Variants in STPG2 observed in about 807,000 individuals in gnomAD.
The protein encoded by STPG2 is sperm-tail PG-rich repeat-containing protein 2.
A neutral mutation model predicts 54.2 loss-of-function variants in STPG2; 56 were observed. The ratio of observed to expected loss-of-function variants is 1.03; its 90% CI spans 0.83 to 1.29. STPG2 has a LOEUF of 1.29. STPG2 is among the 50% of genes most tolerant of loss of function. The pLI, the probability that STPG2 is intolerant of heterozygous loss-of-function variation, is 0.00. For synonymous variants in STPG2, 200 were observed against 181.8 expected, an observed-to-expected ratio of 1.10 and a Z score of -0.81; for missense variants, 596 against 544.9, an observed-to-expected ratio of 1.09 and a Z score of -0.93.
At chr4:97,841,134 A>T (rs907481008) in intron 8 of STPG2, among the ~76,000 whole-genome samples, 5 of 151,790 alleles carry the variant, frequency 3.3e-5, no homozygotes, top group Non-Finnish European at 7.4e-5. Flanking sequence ...CCAAAATTAA[A>T]GTAAAATAAA....
At chr4:97,988,894 G>A (rs1734910492) in intron 5 of STPG2, among the ~76,000 whole-genome samples, 1 of 152,158 alleles carries the variant, frequency 6.6e-6, no homozygotes, top group Non-Finnish European at 1.5e-5. Context: ...GATTACAGGC[G>A]TGAGCCACTG....
At chr4:97,825,032 G>T (rs1728209552) in intron 9 of STPG2, among the ~76,000 whole-genome samples, 1 of 149,664 alleles carries the variant, frequency 6.7e-6, no homozygotes, top group African/African-American at 2.4e-5. Context: ...AAATTTAAAA[G>T]TTTTTTTTTT....
chr4:97,681,584 CCTT>C (rs1723036255), intron 10 of STPG2, among the ~76,000 whole-genome samples: 3 of 151,804 alleles, frequency 2.0e-5, no homozygotes, highest in African/African-American at 4.8e-5. Context: ...AGGGGAAACT[CCTT>C]CTTGTCAATT....
At chr4:97,782,220 C>G (rs1051356100) in intron 9 of STPG2, among the ~76,000 whole-genome samples, 1 of 152,164 alleles carries the variant, frequency 6.6e-6, no homozygotes, top group Non-Finnish European at 1.5e-5. Flanking sequence ...AGCTGATAAG[C>G]AACTTCAGCA....
At chr4:98,134,517 A>T in intron 1 of STPG2, 58 bp from the exon 2 acceptor site, 1 of 963,676 alleles carries the variant, frequency 1.0e-6, no homozygotes, top group Non-Finnish European at 1.5e-6. Flanking sequence ...GATTTCAGAG[A>T]AAAACGCTCA....
At chr4:97,718,507 G>C (rs186708324) in intron 9 of STPG2, among the ~76,000 whole-genome samples, 1 of 151,898 alleles carries the variant, frequency 6.6e-6, no homozygotes, top group Non-Finnish European at 1.5e-5. Context: ...ATTAAGCAAA[G>C]ATTAATATTT....
At chr4:98,026,501 G>T (rs1361662740) in intron 5 of STPG2, among the ~76,000 whole-genome samples, 1 of 152,118 alleles carries the variant, frequency 6.6e-6, no homozygotes, top group African/African-American at 2.4e-5. Flanking sequence ...TAAAGGAAGG[G>T]GTTTCACTTC....
intron 9 of STPG2, among the ~76,000 whole-genome samples, chr4:97,727,272 T>A (rs1724655257): frequency 6.6e-6 from 1 of 151,898 alleles, no homozygotes; most frequent in Admixed American, 6.6e-5. Flanking sequence ...TAGTTTTATA[T>A]TTATCTTTCT....
intron 9 of STPG2, among the ~76,000 whole-genome samples, chr4:97,838,756 A>C (rs1047026267): frequency 6.6e-6 from 1 of 151,544 alleles, no homozygotes; most frequent in African/African-American, 2.4e-5. Context: ...TAGCAGATTA[A>C]ATTTAAAAGG....
rs180746237 is a variant in STPG2, at chr4:97,737,599, G to A, written c.1205-24785C>T. Among the ~76,000 whole-genome samples, 296 of 152,296 alleles carry A rather than the reference G, an allele frequency of 1.9e-3. 4 individuals carry two copies. In the East Asian group the frequency reaches 0.028, roughly 14 times the overall value. ...CAGGAGCTGATGTGATCAACTGGAAGAAAGGGTATCAGTGATGGAAGATGA... is the reference window on the plus strand; with the variant it reads ...CAGGAGCTGATGTGATCAACTGGAAAAAAGGGTATCAGTGATGGAAGATGA... On this transcript the variant is annotated intron_variant, in intron 9 of 10. Coordinates refer to ENST00000295268, the MANE Select transcript of STPG2 (RefSeq NM_174952.3).
chr4:97,739,165 C>T (rs537335081), intron 9 of STPG2, among the ~76,000 whole-genome samples: 7 of 151,894 alleles, frequency 4.6e-5, no homozygotes, highest in South Asian at 2.1e-4. Flanking sequence ...TTGAAACCAA[C>T]GAGAACAAAG....
rs148951462 is a variant in STPG2 at position 97,754,873 on chromosome 4, T to C, written c.1205-42059A>G. On this transcript the variant is annotated intron_variant, in intron 9 of 10. Coordinates refer to ENST00000295268, the MANE Select transcript of STPG2 (RefSeq NM_174952.3). ...ATAAGGGATTATGCAAGGCCTTAAA[T>C]ATCAGGAGGTGGAAATCATTGAGGC... 2.4e-4 allele frequency among the ~76,000 whole-genome samples: 36 copies of C among 152,150 alleles called. No individual in the cohort carries two copies. The East Asian group carries it at 6.0e-3, about 25-fold the overall frequency.
intron 5 of STPG2, among the ~76,000 whole-genome samples, chr4:98,016,149 A>G (rs1181507373): frequency 2.0e-5 from 3 of 152,154 alleles, no homozygotes; most frequent in Non-Finnish European, 4.4e-5. Context: ...TGGCTCATGT[A>G]TACCTCTGTA....
At chr4:97,662,134 G>A (rs1475153991) in intron 10 of STPG2, among the ~76,000 whole-genome samples, 1 of 152,022 alleles carries the variant, frequency 6.6e-6, no homozygotes, top group Admixed American at 6.6e-5. Flanking sequence ...CTATGCATCT[G>A]TCAAGGTCTA....
chr4:97,952,868 T>C (rs961684711), intron 7 of STPG2, among the ~76,000 whole-genome samples: 1 of 152,158 alleles, frequency 6.6e-6, no homozygotes, highest in Admixed American at 6.5e-5. Context: ...TTTTCTCCTT[T>C]CTGGGCACAT....
chr4:97,523,353 G>A (rs574856589), intron 4 of STPG2, among the ~76,000 whole-genome samples: 1 of 151,736 alleles, frequency 6.6e-6, no homozygotes, highest in Non-Finnish European at 1.5e-5. Flanking sequence ...CACATCCTAG[G>A]GTAGTTACAA....
At chr4:97,680,852 G>A (rs372727506) in intron 10 of STPG2, among the ~76,000 whole-genome samples, 2 of 151,802 alleles carry the variant, frequency 1.3e-5, no homozygotes, top group East Asian at 3.9e-4. Context: ...AAAATGTGTT[G>A]CATTTATTTA....
chr4:97,487,231 A>G (rs1483536841), intron 4 of STPG2, among the ~76,000 whole-genome samples: 2 of 151,410 alleles, frequency 1.3e-5, no homozygotes, highest in Admixed American at 6.6e-5. Flanking sequence ...AAGACTACAT[A>G]TGGTATTATT....
intron 8 of STPG2, among the ~76,000 whole-genome samples, chr4:97,914,033 C>T (rs574945781): frequency 3.6e-4 from 54 of 152,022 alleles, no homozygotes; most frequent in Middle Eastern, 3.4e-3. Context: ...AAAATTTCTA[C>T]GATACGTAAC....
Sources: gnomAD v4.1 joint callset for allele counts (sites outside exome capture counted in the v4.1 genomes callset) on GRCh38, gnomAD v4.1.1 for gene constraint, MANE v1.5 for transcripts, NCBI Gene and HGNC (gene_info 2026-07-23, HGNC 2026-07-21) for gene names.